The following SEL1L3 variants were observed in gnomAD, a reference collection of about 807,000 sequenced individuals.
SEL1L3 encodes SEL1L family member 3, also known as protein sel-1 homolog 3.
A neutral mutation model predicts 142.8 loss-of-function variants in SEL1L3; 76 were observed. The ratio of observed to expected loss-of-function variants is 0.53; its 90% CI spans 0.44 to 0.64. The LOEUF (loss-of-function observed/expected upper bound fraction) is 0.64. SEL1L3 is among the 30% of genes least tolerant of loss of function. SEL1L3 has a pLI of 0.00. For synonymous variants in SEL1L3, 504 were observed against 519.6 expected (o/e 0.97, Z 0.41); for missense variants, 1,262 against 1,381.7 (o/e 0.91, Z 1.37).
At chr4:25,733,808 T>C in the SEL1L3 span, among the ~76,000 whole-genome samples, 1 of 151,932 alleles carries the variant, frequency 6.6e-6, no homozygotes, top group Non-Finnish European at 1.5e-5. Flanking sequence ...AGCCACCGCG[T>C]CGGGCCAGTT....
At chr4:25,757,478 AAAT>A (rs1277919412) in intron 23 of SEL1L3, 53 bp downstream of exon 23, 15 of 1,065,334 alleles carry the variant, frequency 1.4e-5, no homozygotes, top group East Asian at 5.6e-5. Flanking sequence ...AAAAAAAAAA[AAAT>A]CCCTGCTTTT....
chr4:25,826,903 A>T, intron 6 of SEL1L3, among the ~76,000 whole-genome samples: 1 of 152,094 alleles, frequency 6.6e-6, no homozygotes, highest in Non-Finnish European at 1.5e-5. Context: ...GACTTAAGTG[A>T]TCTGCCTGCC....
chr4:25,756,104 AC>A, intron 23 of SEL1L3: 1 of 985,390 alleles, frequency 1.0e-6, no homozygotes, highest in Middle Eastern at 5.2e-4. Context: ...GCTGACGTGC[AC>A]CCCTTTCACT....
chr4:25,757,405 A>C (rs1409800071), intron 23 of SEL1L3, 129 bp downstream of exon 23: 4 of 704,580 alleles, frequency 5.7e-6, no homozygotes, highest in Non-Finnish European at 9.2e-6. Flanking sequence ...TAGGGATAGG[A>C]GATAGCATGA....
At chr4:25,775,481 G>T (rs879930759) in intron 17 of SEL1L3, among the ~76,000 whole-genome samples, 2 of 152,136 alleles carry the variant, frequency 1.3e-5, no homozygotes, top group Non-Finnish European at 2.9e-5. Flanking sequence ...TGAGGCAGTG[G>T]ACTGAGGACT....
rs889957132 is a variant in SEL1L3 at position 25,788,702 on chromosome 4, T to C, written c.2077-338A>G. 2.0e-5 allele frequency among the ~76,000 whole-genome samples: 3 copies of C among 152,050 alleles called. No homozygotes were observed. The highest frequency in any genetic ancestry group is 7.2e-5 in the African/African-American group (3 of 41,400). On this transcript the variant is annotated intron_variant, in intron 12 of 23. Coordinates refer to ENST00000399878, the MANE Select transcript of SEL1L3 (RefSeq NM_015187.5). The surrounding 1 kb of genome is among the most constrained non-coding windows in gnomAD (Gnocchi z 5.3). ...TCAAATGGCACTCTTTTGGGAGGTA[T>C]TGCCCTTTCTTTTGGCCCAGCGATT...
intron 11 of SEL1L3, among the ~76,000 whole-genome samples, chr4:25,800,231 T>C (rs1049266195): frequency 6.6e-6 from 1 of 152,226 alleles, no homozygotes; most frequent in African/African-American, 2.4e-5. Context: ...TACATTACGC[T>C]GGTGAATTAA....
chr4:25,804,801 G>T, intron 9 of SEL1L3, 49 bp from the exon 10 acceptor site: 3 of 1,362,140 alleles, frequency 2.2e-6, no homozygotes, highest in South Asian at 2.3e-5. Context: ...CCATGGGATC[G>T]ATGTGGCTTT....
downstream of SEL1L3, among the ~76,000 whole-genome samples, chr4:25,747,023 T>G (rs1717291851): frequency 6.6e-6 from 1 of 152,140 alleles, no homozygotes. Context: ...AGCTTGTCAG[T>G]TACAGGACCA....
intron 5 of SEL1L3, among the ~76,000 whole-genome samples, chr4:25,830,481 A>G (rs1459003445): frequency 6.6e-6 from 1 of 152,226 alleles, no homozygotes; most frequent in Non-Finnish European, 1.5e-5. Context: ...GGAAATATGT[A>G]TGACACTACA....
chr4:25,736,310 G>A, the SEL1L3 span, among the ~76,000 whole-genome samples: 8 of 150,470 alleles, frequency 5.3e-5, no homozygotes, highest in Admixed American at 2.0e-4. Flanking sequence ...TGCAACCTCC[G>A]CCTCCTGGTT....
At chr4:25,754,981 G>A (rs903589248) in intron 23 of SEL1L3, among the ~76,000 whole-genome samples, 1 of 152,128 alleles carries the variant, frequency 6.6e-6, no homozygotes, top group Admixed American at 6.5e-5. Context: ...CTATGTGAGA[G>A]GCAATGGGTT....
At chr4:25,736,368 G>A in the SEL1L3 span, among the ~76,000 whole-genome samples, 19 of 151,416 alleles carry the variant, frequency 1.3e-4, no homozygotes, top group Admixed American at 7.3e-4. Context: ...GGATTACAGC[G>A]GCTCACCACC....
At chr4:25,716,878 G>A in the SEL1L3 span, among the ~76,000 whole-genome samples, 1 of 152,142 alleles carries the variant, frequency 6.6e-6, no homozygotes, top group Non-Finnish European at 1.5e-5. Flanking sequence ...TGTAACCCCA[G>A]AACCTTTGGA....
In SEL1L3 at chr4:25,758,999, C is replaced by T. The variant is rs1718192687; in HGVS notation, c.3025G>A (p.Glu1009Lys). 6.2e-7 allele frequency: 1 copy of T among 1,613,692 alleles called. No individual in the cohort carries two copies. The highest frequency in any genetic ancestry group is 8.5e-7 in the Non-Finnish European group (1 of 1,179,714). Residue 1009 changes from glutamate (E) to lysine (K), a missense_variant, in exon 21 of 24, where the codon GAA (glutamate) becomes AAA (lysine). Around this residue, in one of 3 missense-constraint regions of SEL1L3, gnomAD observed 435 missense variants for 559.2 expected, o/e 0.78. Coordinates refer to ENST00000399878, the MANE Select transcript of SEL1L3 (RefSeq NM_015187.5). ...TTAGAATGGAGAGTTGAGTCAATTT[C>T]CAAGAAATCCAAGATATGGTGTGGG... ...IIPHHILDFL[E>K]IDSTLHSNNI...
At chr4:25,782,789 C>T (rs890027704) in intron 14 of SEL1L3, among the ~76,000 whole-genome samples, 1 of 152,174 alleles carries the variant, frequency 6.6e-6, no homozygotes, top group Non-Finnish European at 1.5e-5. Context: ...GGCCTGAAAC[C>T]TGCCCTGACT....
At chr4:25,756,320 T>C in intron 23 of SEL1L3, 1 of 985,356 alleles carries the variant, frequency 1.0e-6, no homozygotes, top group Non-Finnish European at 1.2e-6. Flanking sequence ...ATGCATGAGT[T>C]ATCACAAATG....
At chr4:25,815,087 G>A (rs2109247862) in intron 9 of SEL1L3, among the ~76,000 whole-genome samples, 1 of 152,334 alleles carries the variant, frequency 6.6e-6, no homozygotes, top group Middle Eastern at 3.4e-3. Flanking sequence ...GAAAGGCAGG[G>A]AGAAGAGGAA....
chr4:25,749,268 C>A (rs1008825392), intron 23 of SEL1L3, among the ~76,000 whole-genome samples: 1 of 151,972 alleles, frequency 6.6e-6, no homozygotes, highest in Admixed American at 6.6e-5. Flanking sequence ...TCCTGATGAT[C>A]TCTGAGGAAG....
Sources: allele counts gnomAD v4.1 joint callset (sites outside exome capture counted in the v4.1 genomes callset), GRCh38; gene constraint gnomAD v4.1.1; regional missense constraint gnomAD v4.1.1; non-coding constraint Gnocchi (gnomAD v3.1); transcripts MANE v1.5; gene names NCBI Gene and HGNC (gene_info 2026-07-23, HGNC 2026-07-21).